Variants in CT45A10 observed in about 807,000 individuals in gnomAD.
CT45A10 encodes the protein cancer/testis antigen family 45 member A10.
CT45A10 carries 19 observed loss-of-function variants against 8.3 expected under a neutral mutation model. That is an observed-to-expected ratio of 2.30 (90% CI 1.61 to 3.38). The LOEUF is 3.38. Ranked by LOEUF, CT45A10 falls within the 30% of genes most tolerant of loss-of-function variation. The pLI is 0.00. For synonymous variants in CT45A10, 28 were observed against 26.5 expected (o/e 1.06, Z -0.17); for missense variants, 149 against 85.9 (o/e 1.73, Z -2.90).
In CT45A10 at chrX:135,883,159, A is replaced by G. The variant is rs2088406710; in HGVS notation, c.267T>C (p.Gly89=). The part of the protein sequence containing the change: ...FSKDGMMQKP[G]SNAPVGGNVT... ...CGTTTCCTCCCACAGGTGCATTGCT[A>G]CCAGGTTTCTGCATCATCCCATCTT... The change falls in exon 3 of 5, where the codon GGT becomes GGC. Residue 89 remains glycine (G), a synonymous_variant. Transcript: ENST00000682849. The G allele has an allele frequency of 8.4e-7, 1 of 1,197,164 alleles. No homozygotes were observed. The highest frequency in any genetic ancestry group is 1.8e-5 in the African/African-American group (1 of 56,440).
In CT45A10 at chrX:135,883,341, A is replaced by C. The variant is rs1168211007; in HGVS notation, c.170-85T>G. ...TCCACATAAACCTCATGAATGACAG[A>C]TCTGGAAATCAAACTGAGAAGTTGA... On this transcript the variant is annotated intron_variant, in intron 2 of 4. Coordinates refer to ENST00000682849, the MANE Select transcript of CT45A10 (RefSeq NM_001291529.2). The C allele has an allele frequency of 4.1e-5, 48 of 1,184,893 alleles. 1 individual carries two copies. The highest frequency in any genetic ancestry group is 3.3e-4 in the Middle Eastern group (1 of 3,057).
intron 1 of CT45A10, among the ~76,000 whole-genome samples, chrX:135,889,443 C>T (rs2088476449): frequency 9.5e-6 from 1 of 105,094 alleles, no homozygotes; most frequent in African/African-American, 3.5e-5. Flanking sequence ...CGTGCCAGTG[C>T]ACTCTCCATC....
intron 1 of CT45A10, among the ~76,000 whole-genome samples, chrX:135,892,586 C>A (rs2088516774): frequency 9.1e-6 from 1 of 110,469 alleles, no homozygotes; most frequent in Non-Finnish European, 1.9e-5. Flanking sequence ...GCCCTCGTGG[C>A]TGACACAAGA....
At chrX:135,882,679 T>C (rs2088393769) in intron 3 of CT45A10, 50 bp from the exon 4 acceptor site, 5 of 1,072,873 alleles carry the variant, frequency 4.7e-6, no homozygotes, top group Non-Finnish European at 6.3e-6. Context: ...TAAAGAAGAA[T>C]AGAAGTGAAT....
At chrX:135,883,535 C>T (rs1372666086) in intron 2 of CT45A10, among the ~76,000 whole-genome samples, 35 of 110,413 alleles carry the variant, frequency 3.2e-4, no homozygotes, top group Non-Finnish European at 4.7e-4. Flanking sequence ...TATTTTCTGT[C>T]GCCTTGAATA....
At chrX:135,889,672 G>A (rs1425858984) in intron 1 of CT45A10, among the ~76,000 whole-genome samples, 59 of 109,767 alleles carry the variant, frequency 5.4e-4, no homozygotes, top group African/African-American at 1.8e-3. Flanking sequence ...CCAACATGGT[G>A]AATCCCGTCT....
intron 1 of CT45A10, chrX:135,889,372 G>C (rs1228346456): frequency 9.1e-6 from 1 of 109,422 alleles, no homozygotes; most frequent in Non-Finnish European, 1.9e-5. Context: ...CCAACTACTC[G>C]GGAAGTTGAG....
At chrX:135,883,757 A>G (rs2088417682) in intron 2 of CT45A10, among the ~76,000 whole-genome samples, 1 of 69,153 alleles carries the variant, frequency 1.4e-5, no homozygotes, top group African/African-American at 5.5e-5. Context: ...CTCCTGTTAT[A>G]TCAAACACAT....
rs2088404444 is a variant in CT45A10, at chrX:135,883,090, T to A, written c.336A>T (p.Ile112=). The change falls in exon 3 of 5, where the codon ATA becomes ATT. Residue 112 remains isoleucine (I), a synonymous_variant. Coordinates refer to ENST00000682849, the MANE Select transcript of CT45A10 (RefSeq NM_001291529.2). ...CTTGTTGGCTTTTGGGAGAGGAGGCTATTCCTCTGCATTCTAGGTCATCTC... is the reference window on the plus strand; with the variant it reads ...CTTGTTGGCTTTTGGGAGAGGAGGCAATTCCTCTGCATTCTAGGTCATCTC... ...FSGDDLECRG[I]ASSPKSQQEI... 2 of 1,199,024 alleles carry A rather than the reference T, an allele frequency of 1.7e-6. No homozygotes were observed. The highest frequency in any genetic ancestry group is 3.5e-5 in the African/African-American group (2 of 57,118).
chrX:135,890,330 C>A (rs908422368), intron 1 of CT45A10, among the ~76,000 whole-genome samples: 2 of 112,713 alleles, frequency 1.8e-5, no homozygotes, highest in African/African-American at 6.4e-5. Context: ...TTGAGCGATG[C>A]AGATCCTGAG....
chrX:135,882,516 C>G lies in CT45A10; in HGVS notation c.512+20G>C. The G allele has an allele frequency of 2.0e-6, 2 of 993,001 alleles. No homozygotes were observed. The highest frequency in any genetic ancestry group is 2.7e-6 in the Non-Finnish European group (2 of 734,124). 81.8% of individuals were successfully genotyped at this position (993,001 alleles called of 1,213,427 possible). A position where few individuals can be genotyped will look rare whatever the true frequency, so the allele number is the denominator to read the frequency against. On this transcript the variant is annotated intron_variant, in intron 4 of 4. Transcript: ENST00000682849. ...AGCCCAAGTGCTTAAAGAAATTGGA[C>G]AGTTCCTATTTCTACCCACCTTGCT...
At chrX:135,891,648 G>C (rs1237285158) in intron 1 of CT45A10, among the ~76,000 whole-genome samples, 1 of 110,087 alleles carries the variant, frequency 9.1e-6, no homozygotes, top group African/African-American at 3.3e-5. Context: ...AGGAGATCTA[G>C]AAGAAAACTT....
Position 135,883,104 on chromosome X carries a change from C to A in CT45A10, c.322G>T (p.Glu108Ter), listed in dbSNP as rs1398463401. ...VTSNFSGDDL[E>*]CRGIASSPKS... Reference sequence around the variant, plus strand: ...GGAGAGGAGGCTATTCCTCTGCATTCTAGGTCATCTCCAGAGAAATTGCTG... The same window carrying A: ...GGAGAGGAGGCTATTCCTCTGCATTATAGGTCATCTCCAGAGAAATTGCTG... Residue 108 changes from glutamate (E) to a stop codon, truncating the protein, a stop_gained, in exon 3 of 5, where the codon GAA becomes TAA. Coordinates refer to ENST00000682849, the MANE Select transcript of CT45A10 (RefSeq NM_001291529.2). LOFTEE classifies it high-confidence loss of function. 6.9e-5 allele frequency: 83 copies of A among 1,197,387 alleles called. 2 individuals carry two copies. The highest frequency in any genetic ancestry group is 9.0e-5 in the Non-Finnish European group (80 of 885,727).
chrX:135,893,280 C>T (rs1433042518), intron 1 of CT45A10, among the ~76,000 whole-genome samples, 65 bp downstream of exon 1: 1 of 111,778 alleles, frequency 8.9e-6, no homozygotes, highest in Non-Finnish European at 1.9e-5. Context: ...AAAAAGGACA[C>T]TTTCCCGGGC....
At position 135,882,915 on chromosome X, in the gene CT45A10, A is replaced by C. The variant is rs1280700964; in HGVS notation, c.418+93T>G. ...ATGTGCAGTCTCAACTCTGGCAAAG[A>C]ATGAGCCTCAAGAGGTAACATGGAT... On this transcript the variant is annotated intron_variant, in intron 3 of 4. Transcript: ENST00000682849. The C allele has an allele frequency of 2.3e-3, 2,420 of 1,060,570 alleles. 31 individuals are homozygous for C. Among genetic ancestry groups the C allele is most frequent in the Non-Finnish European group, 2.8e-3 (2,157 of 783,972 alleles). The allele number at this position is 1,060,570 out of a possible 1,213,427, so 87.4% of individuals were successfully genotyped here.
At chrX:135,892,313 A>G (rs2088513345) in intron 1 of CT45A10, among the ~76,000 whole-genome samples, 1 of 112,278 alleles carries the variant, frequency 8.9e-6, no homozygotes, top group African/African-American at 3.2e-5. Flanking sequence ...AATTAGCACA[A>G]AATTGCAAGT....
intron 2 of CT45A10, among the ~76,000 whole-genome samples, chrX:135,883,483 A>T (rs1427188556): frequency 9.1e-6 from 1 of 110,334 alleles, no homozygotes; most frequent in Non-Finnish European, 1.9e-5. Context: ...CCCAGGCCTG[A>T]CAAACGGAGG....
Position 135,883,097 on chromosome X carries a change from C to G in CT45A10, c.329G>C (p.Arg110Thr), listed in dbSNP as rs1391893440. 90 of 1,197,441 alleles carry G rather than the reference C, an allele frequency of 7.5e-5. No homozygotes were observed. The South Asian group carries it at 8.6e-4, about 11-fold the overall frequency. Residue 110 changes from arginine (R) to threonine (T), a missense_variant, in exon 3 of 5, where the codon AGA (arginine) becomes ACA (threonine). Physicochemically the swap from Arg to Thr is moderately conservative, Grantham distance 71. Transcript: ENST00000682849. Reference sequence around the variant, plus strand: ...GCTTTTGGGAGAGGAGGCTATTCCTCTGCATTCTAGGTCATCTCCAGAGAA... The same window carrying G: ...GCTTTTGGGAGAGGAGGCTATTCCTGTGCATTCTAGGTCATCTCCAGAGAA... ...SNFSGDDLEC[R>T]GIASSPKSQQ...
rs1194365664 is a variant in CT45A10 at position 135,883,068 on chromosome X, G to T, written c.358C>A (p.Gln120Lys). 9.2e-6 allele frequency: 11 copies of T among 1,197,235 alleles called. No individual in the cohort carries two copies. The highest frequency in any genetic ancestry group is 9.0e-5 in the South Asian group (5 of 55,865). Residue 120 changes from glutamine to lysine, a missense_variant, in exon 3 of 5, where the codon CAA becomes AAA. Coordinates refer to ENST00000682849, the MANE Select transcript of CT45A10 (RefSeq NM_001291529.2). ...RGIASSPKSQ[Q>K]EINADIKCQV... ...CATTTTATATCAGCATTAATTTCTT[G>T]TTGGCTTTTGGGAGAGGAGGCTATT...
Sources: gnomAD v4.1 joint callset for allele counts (sites outside exome capture counted in the v4.1 genomes callset) on GRCh38, gnomAD v4.1.1 for gene constraint, MANE v1.5 for transcripts, NCBI Gene and HGNC (gene_info 2026-07-23, HGNC 2026-07-21) for gene names.